Variants in AK7 observed in about 807,000 individuals in gnomAD.
The protein encoded by AK7 is ATP-AMP transphosphorylase 7.
A neutral mutation model predicts 96.6 loss-of-function variants in AK7; 78 were observed. The observed-to-expected ratio is 0.81, with a 90% CI of 0.67 to 0.97. The LOEUF (loss-of-function observed/expected upper bound fraction) is 0.97, where lower values mean the gene tolerates loss of function less well. AK7 is among the 50% of genes least tolerant of loss of function. AK7 has a pLI of 0.00. For synonymous variants in AK7, 302 were observed against 317.2 expected, an observed-to-expected ratio of 0.95 and a Z score of 0.51; for missense variants, 855 against 887.9, an observed-to-expected ratio of 0.96 and a Z score of 0.47.
At chr14:96,450,836 G>A (rs913842319) in intron 9 of AK7, among the ~76,000 whole-genome samples, 81 of 145,164 alleles carry the variant, frequency 5.6e-4, no homozygotes, top group African/African-American at 2.0e-3. Flanking sequence ...GTGCAGTGGC[G>A]CGATCTCGGC....
intron 1 of AK7, among the ~76,000 whole-genome samples, chr14:96,392,880 T>C (rs1595360324): frequency 6.6e-6 from 1 of 152,236 alleles, no homozygotes; most frequent in East Asian, 1.9e-4. Flanking sequence ...GCCAGGATGG[T>C]CTCGATCGAT....
At chr14:96,393,288 CTAA>C (rs1889863203) in intron 1 of AK7, among the ~76,000 whole-genome samples, 1 of 152,200 alleles carries the variant, frequency 6.6e-6, no homozygotes, top group South Asian at 2.1e-4. Context: ...TTCTCTGAGG[CTAA>C]TGACTGCACT....
chr14:96,397,003 C>T (rs11846324), intron 1 of AK7, among the ~76,000 whole-genome samples: 3,607 of 151,936 alleles, frequency 0.024, 162 homozygotes, highest in African/African-American at 0.082. Flanking sequence ...AGGCTGAGGC[C>T]GGAGGATTGG....
intron 5 of AK7, among the ~76,000 whole-genome samples, chr14:96,426,051 GTTAT>G (rs1892012482): frequency 6.6e-6 from 1 of 151,874 alleles, no homozygotes; most frequent in Non-Finnish European, 1.5e-5. Flanking sequence ...CCTGCCTTTT[GTTAT>G]TTGTTTTCTA....
At chr14:96,405,566 AC>A (rs1038600897) in intron 3 of AK7, among the ~76,000 whole-genome samples, 14 of 152,336 alleles carry the variant, frequency 9.2e-5, no homozygotes, top group South Asian at 4.1e-4. Context: ...CAGGGCAGAT[AC>A]AAAGACAGAT....
At chr14:96,473,354 G>A (rs1895003759) in intron 14 of AK7, among the ~76,000 whole-genome samples, 1 of 151,450 alleles carries the variant, frequency 6.6e-6, no homozygotes, top group South Asian at 2.1e-4. Context: ...TGTATTTTTA[G>A]TAGAGACGGG....
intron 12 of AK7, among the ~76,000 whole-genome samples, chr14:96,463,232 C>T (rs1894357182): frequency 1.3e-5 from 2 of 152,256 alleles, no homozygotes; most frequent in South Asian, 2.1e-4. Context: ...CATGAATTAA[C>T]ATTGCGTTCT....
At chr14:96,435,247 C>T (rs1256012542) in intron 5 of AK7, among the ~76,000 whole-genome samples, 1 of 152,156 alleles carries the variant, frequency 6.6e-6, no homozygotes, top group Non-Finnish European at 1.5e-5. Context: ...CCAAGGCCCT[C>T]AACATAGTAC....
Position 96,407,575 on chromosome 14 carries a change from C to CTTTTT in AK7, c.404-1268_404-1267insTTTTT, listed in dbSNP as rs1288121196. ...GCAGCTCTGATATGTTTCTTTCTTT[C>CTTTTT]TTTTCTTTTTTTTTTTTTTTTTTTG... On this transcript the variant is annotated intron_variant, in intron 3 of 17. Coordinates refer to ENST00000267584, the MANE Select transcript of AK7 (RefSeq NM_152327.5). 1.3e-4 allele frequency among the ~76,000 whole-genome samples: 7 copies of CTTTTT among 54,724 alleles called. 1 individual carries two copies. The highest frequency in any genetic ancestry group is 1.4e-3 in the South Asian group (2 of 1,470). 35.9% of individuals were successfully genotyped at this position (54,724 alleles called of 152,430 possible).
intron 13 of AK7, 144 bp from the exon 14 acceptor site, chr14:96,472,543 T>C (rs1894956267): frequency 3.3e-6 from 2 of 607,976 alleles, no homozygotes; most frequent in East Asian, 5.8e-5. Context: ...GTACATTTAG[T>C]TTGTGAGACT....
intron 10 of AK7, among the ~76,000 whole-genome samples, chr14:96,452,432 C>T (rs1488299990): frequency 6.6e-6 from 1 of 151,236 alleles, no homozygotes; most frequent in Non-Finnish European, 1.5e-5. Flanking sequence ...AAGTGATTCT[C>T]GTGCCTCAGC....
At chr14:96,419,619 G>A (rs1407365136) in intron 4 of AK7, among the ~76,000 whole-genome samples, 1 of 151,970 alleles carries the variant, frequency 6.6e-6, no homozygotes, top group Non-Finnish European at 1.5e-5. Flanking sequence ...GGGCAAGAGA[G>A]CAAGGCCCTG....
chr14:96,416,667 A>G (rs959049494), intron 4 of AK7, among the ~76,000 whole-genome samples: 1 of 152,236 alleles, frequency 6.6e-6, no homozygotes, highest in African/African-American at 2.4e-5. Flanking sequence ...CTTTACTGGA[A>G]AGACAAATGA....
Position 96,428,893 on chromosome 14 carries a change from T to C in AK7, c.609+7961T>C, listed in dbSNP as rs190257937. On this transcript the variant is annotated intron_variant, in intron 5 of 17. Transcript: ENST00000267584. ...TTGTCAGATGGGTAGATTACAAAAATTTTCTTCCATTCCGTAGGTTGCCTG... is the reference window on the plus strand; with the variant it reads ...TTGTCAGATGGGTAGATTACAAAAACTTTCTTCCATTCCGTAGGTTGCCTG... Among the ~76,000 whole-genome samples, 1,187 of 152,276 alleles carry C rather than the reference T, an allele frequency of 7.8e-3. 19 individuals carry two copies. The highest frequency in any genetic ancestry group is 0.047 in the South Asian group (227 of 4,824).
At chr14:96,415,680 T>A (rs906346135) in intron 4 of AK7, among the ~76,000 whole-genome samples, 1 of 151,100 alleles carries the variant, frequency 6.6e-6, no homozygotes, top group Non-Finnish European at 1.5e-5. Context: ...TGCACAAAAA[T>A]CAGTTTTGTT....
At chr14:96,431,427 T>G (rs1212342551) in intron 5 of AK7, among the ~76,000 whole-genome samples, 1 of 152,238 alleles carries the variant, frequency 6.6e-6, no homozygotes, top group Non-Finnish European at 1.5e-5. Flanking sequence ...ACACACTGCT[T>G]TGAATGTGTC....
At chr14:96,406,121 T>G (rs2055386795) in intron 3 of AK7, among the ~76,000 whole-genome samples, 1 of 152,098 alleles carries the variant, frequency 6.6e-6, no homozygotes, top group African/African-American at 2.4e-5. Context: ...TGGCACTGTC[T>G]TGGCTCACTG....
intron 5 of AK7, among the ~76,000 whole-genome samples, chr14:96,433,222 G>T (rs935467678): frequency 2.0e-5 from 3 of 152,280 alleles, no homozygotes; most frequent in African/African-American, 7.2e-5. Flanking sequence ...GGCCTGCCTT[G>T]CTAGGTTGGG....
At chr14:96,400,986 C>A (rs976106942) in intron 2 of AK7, among the ~76,000 whole-genome samples, 2 of 152,216 alleles carry the variant, frequency 1.3e-5, no homozygotes, top group Non-Finnish European at 2.9e-5. Context: ...GCTGTGGGCT[C>A]TTCCCTTGCC....
Sources: gnomAD v4.1 joint callset for allele counts (sites outside exome capture counted in the v4.1 genomes callset) on GRCh38, gnomAD v4.1.1 for gene constraint, MANE v1.5 for transcripts, NCBI Gene and HGNC (gene_info 2026-07-23, HGNC 2026-07-21) for gene names.